Variants in KCNH7 observed in about 807,000 individuals in gnomAD.
KCNH7 encodes potassium voltage-gated channel subfamily H member 7.
A neutral mutation model predicts 120.8 loss-of-function variants in KCNH7; 49 were observed. The ratio of observed to expected loss-of-function variants is 0.41; its 90% CI spans 0.32 to 0.51. The LOEUF (loss-of-function observed/expected upper bound fraction) is 0.51, where lower values mean the gene tolerates loss of function less well. Ranked by LOEUF, KCNH7 falls within the 20% of genes least tolerant of loss-of-function variation. The pLI is 0.38. For synonymous variants in KCNH7, 547 were observed against 516.1 expected, an observed-to-expected ratio of 1.06 and a Z score of -0.81; for missense variants, 1,097 against 1,446.6, an observed-to-expected ratio of 0.76 and a Z score of 3.92.
At chr2:162,809,866 A>C (rs972184430) in intron 2 of KCNH7, among the ~76,000 whole-genome samples, 3 of 152,070 alleles carry the variant, frequency 2.0e-5, no homozygotes, top group African/African-American at 7.2e-5. Context: ...CTATCGATTT[A>C]AAGATTACAG....
At chr2:162,448,987 G>A (rs757813941) in intron 6 of KCNH7, among the ~76,000 whole-genome samples, 2 of 152,008 alleles carry the variant, frequency 1.3e-5, no homozygotes, top group Admixed American at 1.3e-4. Flanking sequence ...AGACTGAATA[G>A]GAGTCAGAAA....
chr2:162,408,050 A>G (rs1031775024), intron 9 of KCNH7, among the ~76,000 whole-genome samples: 1 of 152,036 alleles, frequency 6.6e-6, no homozygotes, highest in Non-Finnish European at 1.5e-5. Flanking sequence ...AAGCAGAGAC[A>G]ATGCATTAGG....
chr2:162,485,893 A>T (rs374534984), intron 6 of KCNH7, among the ~76,000 whole-genome samples: 39 of 152,308 alleles, frequency 2.6e-4, no homozygotes, highest in African/African-American at 8.4e-4. Context: ...TTTCTCTATT[A>T]CATCCTTTTT....
chr2:162,827,103 G>A (rs1488780845), intron 2 of KCNH7, among the ~76,000 whole-genome samples: 1 of 152,076 alleles, frequency 6.6e-6, no homozygotes, highest in African/African-American at 2.4e-5. Context: ...TGTGTAACAG[G>A]AAGTGAGTCT....
Position 162,415,974 on chromosome 2 carries a change from T to C in KCNH7, c.2154+7362A>G, listed in dbSNP as rs116648561. On this transcript the variant is annotated intron_variant, in intron 9 of 15. Coordinates refer to ENST00000332142, the MANE Select transcript of KCNH7 (RefSeq NM_033272.4). ...TTTAGAAGTCCGGCTTGTAAAATTT[T>C]GCACCATGTAGCTGTTTTCCTGGCA... is the stretch of plus-strand genomic sequence containing the variant. 2.0e-3 allele frequency among the ~76,000 whole-genome samples: 304 copies of C among 152,314 alleles called. 2 individuals carry two copies. Among genetic ancestry groups the C allele is most frequent in the African/African-American group, 7.1e-3 (297 of 41,592 alleles).
intron 2 of KCNH7, among the ~76,000 whole-genome samples, chr2:162,745,656 T>TATAG (rs1280447940): frequency 6.6e-6 from 1 of 152,132 alleles, no homozygotes; most frequent in African/African-American, 2.4e-5. Flanking sequence ...TGATACTAAA[T>TATAG]ATAGTAGTAT....
At chr2:162,490,609 G>A (rs890168871) in intron 6 of KCNH7, among the ~76,000 whole-genome samples, 3 of 152,058 alleles carry the variant, frequency 2.0e-5, no homozygotes, top group Non-Finnish European at 2.9e-5. Context: ...TTTTCTGAAG[G>A]CTGATGCAGC....
At chr2:162,400,545 A>G in intron 9 of KCNH7, 104 bp from the exon 10 acceptor site, 1 of 1,130,246 alleles carries the variant, frequency 8.8e-7, no homozygotes, top group Non-Finnish European at 1.3e-6. Context: ...AGTCATTGCC[A>G]CGCAGGAGTT....
At chr2:162,471,551 A>G (rs1407503654) in intron 6 of KCNH7, among the ~76,000 whole-genome samples, 2 of 152,224 alleles carry the variant, frequency 1.3e-5, no homozygotes, top group Non-Finnish European at 2.9e-5. Context: ...GGACCTCTTC[A>G]AGGAGAAATA....
chr2:162,529,649 T>C (rs574930731), intron 3 of KCNH7, among the ~76,000 whole-genome samples: 36 of 152,104 alleles, frequency 2.4e-4, no homozygotes, highest in African/African-American at 8.4e-4. Context: ...TAAACAAGAA[T>C]GCATAATTTG....
intron 7 of KCNH7, among the ~76,000 whole-genome samples, chr2:162,436,894 G>A (rs1219376521): frequency 1.3e-5 from 2 of 152,098 alleles, no homozygotes; most frequent in Non-Finnish European, 2.9e-5. Flanking sequence ...AGGATCACTT[G>A]AGCCCAGGTA....
At chr2:162,684,077 T>C (rs974058760) in intron 2 of KCNH7, among the ~76,000 whole-genome samples, 2 of 151,982 alleles carry the variant, frequency 1.3e-5, no homozygotes, top group Non-Finnish European at 2.9e-5. Flanking sequence ...TTGACAAACC[T>C]GACAAAAACA....
intron 2 of KCNH7, among the ~76,000 whole-genome samples, chr2:162,581,317 G>GT (rs1320707618): frequency 6.6e-6 from 1 of 152,012 alleles, no homozygotes; most frequent in Non-Finnish European, 1.5e-5. Flanking sequence ...TTTTGTATCC[G>GT]TAAGTGATGG....
chr2:162,384,768 T>C lies in KCNH7; in HGVS notation c.2882A>G (p.Lys961Arg), dbSNP rs1421729113. The change falls in exon 13 of 16, where the codon AAA (lysine) becomes AGA (arginine). Residue 961 changes from lysine to arginine, a missense_variant. Lys to Arg is a conservative substitution (Grantham distance 26). Transcript: ENST00000332142. The part of the protein sequence containing the change: ...GIVDSSPGIG[K>R]ASGLDFEETV... Reference sequence around the variant, plus strand: ...TTCTTCAAAATCGAGCCCAGATGCTTTCCCTATTCCTGGAGAAGAGTCTAC... The same window carrying C: ...TTCTTCAAAATCGAGCCCAGATGCTCTCCCTATTCCTGGAGAAGAGTCTAC... The C allele has an allele frequency of 6.2e-7, 1 of 1,612,822 alleles. No homozygotes were observed. Among genetic ancestry groups the C allele is most frequent in the Non-Finnish European group, 8.5e-7 (1 of 1,179,100 alleles).
intron 2 of KCNH7, among the ~76,000 whole-genome samples, chr2:162,568,369 A>G (rs1270893555): frequency 6.6e-6 from 1 of 152,038 alleles, no homozygotes; most frequent in Non-Finnish European, 1.5e-5. Flanking sequence ...GAGCGACACC[A>G]TACAGCTTAG....
intron 2 of KCNH7, among the ~76,000 whole-genome samples, chr2:162,821,003 T>C (rs1019143705): frequency 6.6e-6 from 1 of 152,220 alleles, no homozygotes; most frequent in Non-Finnish European, 1.5e-5. Context: ...TCCCTCCTAC[T>C]TAATAAACAC....
At chr2:162,742,673 C>T (rs1264483059) in intron 2 of KCNH7, among the ~76,000 whole-genome samples, 1 of 152,136 alleles carries the variant, frequency 6.6e-6, no homozygotes, top group African/African-American at 2.4e-5. Context: ...TAGGCCTTAT[C>T]CTTTTCACTC....
intron 2 of KCNH7, among the ~76,000 whole-genome samples, chr2:162,632,895 G>T (rs951227079): frequency 1.3e-5 from 2 of 151,684 alleles, no homozygotes; most frequent in African/African-American, 4.8e-5. Context: ...ATAATCAGAT[G>T]GAGAAAGTTG....
intron 2 of KCNH7, among the ~76,000 whole-genome samples, chr2:162,828,928 G>C (rs1445830114): frequency 6.6e-6 from 1 of 152,086 alleles, no homozygotes; most frequent in African/African-American, 2.4e-5. Context: ...ATCATGAAAA[G>C]GACAAGTTTG....
Sources: allele counts gnomAD v4.1 joint callset (sites outside exome capture counted in the v4.1 genomes callset), GRCh38; gene constraint gnomAD v4.1.1; transcripts MANE v1.5; gene names NCBI Gene and HGNC (gene_info 2026-07-23, HGNC 2026-07-21).